The following RAD51B variants were observed in gnomAD, a reference collection of about 807,000 sequenced individuals.
The protein encoded by RAD51B is DNA repair protein RAD51 homolog 2.
In RAD51B, 38 loss-of-function variants were observed where a neutral mutation model predicts 42.2. That is an observed-to-expected ratio of 0.90 (90% CI 0.70 to 1.18). RAD51B has a LOEUF of 1.18. Ranked by LOEUF, RAD51B falls within the 50% of genes most tolerant of loss-of-function variation. RAD51B has a pLI of 0.00. For missense variants in RAD51B, 373 were observed against 400.7 expected (o/e 0.93, Z 0.59); for synonymous variants, 154 against 145.2 (o/e 1.06, Z -0.43).
chr14:68,522,453 G>A (rs369872657), intron 10 of RAD51B, among the ~76,000 whole-genome samples: 15 of 152,158 alleles, frequency 9.9e-5, no homozygotes, highest in African/African-American at 3.6e-4. Flanking sequence ...TACCCTCACC[G>A]TTTCTGGGAT....
intron 10 of RAD51B, among the ~76,000 whole-genome samples, chr14:68,561,167 C>A (rs368025930): frequency 6.6e-6 from 1 of 152,198 alleles, no homozygotes; most frequent in Non-Finnish European, 1.5e-5. Context: ...TGCTGGCTCC[C>A]AAATACACAA....
intron 7 of RAD51B, among the ~76,000 whole-genome samples, chr14:68,104,044 A>G (rs554410868): frequency 2.5e-4 from 38 of 152,300 alleles, no homozygotes; most frequent in East Asian, 3.9e-4. Flanking sequence ...ACCTCCTTCA[A>G]TGTGACACAA....
At chr14:68,647,939 A>T (rs552963349) in intron 10 of RAD51B, among the ~76,000 whole-genome samples, 2 of 150,824 alleles carry the variant, frequency 1.3e-5, no homozygotes, top group African/African-American at 4.9e-5. Context: ...TGGCCTCCCA[A>T]GTGCTGGGAT....
Position 67,893,500 on chromosome 14 carries a change from ACACACAC to A in RAD51B, c.756+6297_756+6303del, listed in dbSNP as rs1176746167. On this transcript the variant is annotated intron_variant, in intron 7 of 10. Coordinates refer to ENST00000471583, the MANE Select transcript of RAD51B (RefSeq NM_133510.4). ...CACACACACACACACACACACACAC[ACACACAC>A]ACAAAAAAAAACAATTAGCTGGGTG... Among the ~76,000 whole-genome samples, 145 of 103,548 alleles carry A rather than the reference ACACACAC, an allele frequency of 1.4e-3. 6 individuals are homozygous for A. Among genetic ancestry groups the A allele is most frequent in the African/African-American group, 5.6e-3 (120 of 21,508 alleles). The allele number at this position is 103,548 out of a possible 152,430, so 67.9% of individuals were successfully genotyped here.
rs181797990 is a variant in RAD51B, at chr14:68,377,506, G to T, written c.854-33918G>T. Among the ~76,000 whole-genome samples the T allele has an allele frequency of 1.1e-4, 17 of 152,290 alleles. No individual in the cohort carries two copies. In the East Asian group the frequency reaches 3.3e-3, roughly 29 times the overall value. On this transcript the variant is annotated intron_variant, in intron 8 of 10. Coordinates refer to ENST00000471583, the MANE Select transcript of RAD51B (RefSeq NM_133510.4). ...TTCTTTGTTTCAACGATGAGCAGAA[G>T]AATCCAGCCTTGGAAATACCTTTCT...
intron 8 of RAD51B, among the ~76,000 whole-genome samples, chr14:68,407,252 G>A (rs1184177196): frequency 1.3e-5 from 2 of 152,068 alleles, no homozygotes; most frequent in Non-Finnish European, 1.5e-5. Flanking sequence ...ACATAAAAGT[G>A]TAGTAACTAC....
intron 7 of RAD51B, among the ~76,000 whole-genome samples, chr14:68,206,261 T>C (rs893169403): frequency 1.3e-5 from 2 of 152,222 alleles, no homozygotes; most frequent in Admixed American, 6.5e-5. Flanking sequence ...CCACTCATGG[T>C]GATGTAAATT....
chr14:68,519,076 T>C (rs976415917), intron 10 of RAD51B, among the ~76,000 whole-genome samples: 2 of 152,320 alleles, frequency 1.3e-5, no homozygotes, highest in East Asian at 3.9e-4. Flanking sequence ...GTCATATTTG[T>C]AGCTTGAGTT....
At chr14:67,915,365 A>G (rs2044117315) in intron 7 of RAD51B, among the ~76,000 whole-genome samples, 1 of 152,240 alleles carries the variant, frequency 6.6e-6, no homozygotes, top group South Asian at 2.1e-4. Flanking sequence ...GAATTGGTGA[A>G]TGAATAAATT....
chr14:67,986,800 C>T (rs1238104531), intron 7 of RAD51B, among the ~76,000 whole-genome samples: 3 of 152,070 alleles, frequency 2.0e-5, no homozygotes, highest in African/African-American at 7.2e-5. Context: ...GGCGTGATCT[C>T]GACTCACTAC....
chr14:68,227,216 C>A (rs565668751), intron 7 of RAD51B, among the ~76,000 whole-genome samples: 1 of 152,318 alleles, frequency 6.6e-6, no homozygotes, highest in East Asian at 1.9e-4. Flanking sequence ...CAGTAGGGCA[C>A]TCTTGCCTTT....
intron 9 of RAD51B, among the ~76,000 whole-genome samples, chr14:68,435,270 C>T (rs577621966): frequency 1.3e-5 from 2 of 152,096 alleles, no homozygotes; most frequent in Non-Finnish European, 2.9e-5. Context: ...TAAGTGAGAA[C>T]ATGCGGTATT....
chr14:68,027,767 T>C (rs952523538), intron 7 of RAD51B, among the ~76,000 whole-genome samples: 2 of 152,240 alleles, frequency 1.3e-5, no homozygotes, highest in Non-Finnish European at 2.9e-5. Flanking sequence ...GGTTGAGGTT[T>C]CAACTTTCTG....
At chr14:68,088,014 ATAT>A (rs963076382) in intron 7 of RAD51B, among the ~76,000 whole-genome samples, 7 of 131,078 alleles carry the variant, frequency 5.3e-5, no homozygotes, top group East Asian at 2.0e-4. Context: ...ATTATATAAT[ATAT>A]TATTATATAT....
chr14:68,150,694 A>G (rs904402306), intron 7 of RAD51B, among the ~76,000 whole-genome samples: 2 of 152,050 alleles, frequency 1.3e-5, no homozygotes, highest in African/African-American at 4.8e-5. Flanking sequence ...TTGTGTTTTT[A>G]TGATTCCATT....
chr14:68,590,443 C>T (rs77329012), intron 10 of RAD51B, among the ~76,000 whole-genome samples: 4,137 of 152,346 alleles, frequency 0.027, 82 homozygotes, highest in Middle Eastern at 0.051. Context: ...TGTTCCCAGT[C>T]ACCTCCCCCG....
chr14:68,490,451 G>T (rs764760783), intron 10 of RAD51B, among the ~76,000 whole-genome samples: 1 of 152,164 alleles, frequency 6.6e-6, no homozygotes, highest in Non-Finnish European at 1.5e-5. Flanking sequence ...GAAACACTCC[G>T]ATTCAAAGAA....
intron 8 of RAD51B, among the ~76,000 whole-genome samples, chr14:68,392,043 G>T (rs533512757): frequency 6.6e-6 from 1 of 152,282 alleles, no homozygotes. Context: ...AAATCAGAGA[G>T]ATGAAATACT....
chr14:68,285,982 TCTGA>T (rs2139643362), intron 7 of RAD51B, among the ~76,000 whole-genome samples: 1 of 152,304 alleles, frequency 6.6e-6, no homozygotes, highest in Admixed American at 6.5e-5. Flanking sequence ...ATTAGCAGAG[TCTGA>T]AAAGACTTTT....
Sources: gnomAD v4.1 joint callset for allele counts (sites outside exome capture counted in the v4.1 genomes callset) on GRCh38, gnomAD v4.1.1 for gene constraint, MANE v1.5 for transcripts, NCBI Gene and HGNC (gene_info 2026-07-23, HGNC 2026-07-21) for gene names.